Variants in GPR160 observed in about 807,000 individuals in gnomAD.
GPR160 encodes G protein-coupled receptor 160.
GPR160 carries 2 observed loss-of-function variants against 2.6 expected under a neutral mutation model. That is an observed-to-expected ratio of 0.77 (90% CI 0.32 to 2.44). The LOEUF (loss-of-function observed/expected upper bound fraction) is 2.44, where lower values mean the gene tolerates loss of function less well. GPR160 is among the 30% of genes most tolerant of loss of function. The pLI, the probability that GPR160 is intolerant of heterozygous loss-of-function variation, is 0.11. For missense variants in GPR160, 351 were observed against 383.6 expected (o/e 0.91, Z 0.71); for synonymous variants, 130 against 132.2 (o/e 0.98, Z 0.12).
chr3:170,078,169 A>G (rs956695702), intron 2 of GPR160, among the ~76,000 whole-genome samples: 2 of 152,232 alleles, frequency 1.3e-5, no homozygotes, highest in African/African-American at 4.8e-5. Flanking sequence ...CGTTAGACCT[A>G]GAGCTCTGGG....
intron 2 of GPR160, among the ~76,000 whole-genome samples, chr3:170,055,083 C>T (rs935566912): frequency 1.7e-4 from 26 of 152,186 alleles, no homozygotes. Flanking sequence ...CATAAGCCAC[C>T]GTGCCCGGCC....
At chr3:170,042,296 C>T (rs1185978217) in intron 2 of GPR160, among the ~76,000 whole-genome samples, 2 of 151,192 alleles carry the variant, frequency 1.3e-5, no homozygotes, top group East Asian at 3.9e-4. Context: ...TGGTGCACGC[C>T]TGTAGTCCCA....
chr3:170,063,552 CAAAAAAAAAA>C (rs528295183), intron 2 of GPR160, among the ~76,000 whole-genome samples: 1 of 78,926 alleles, frequency 1.3e-5, no homozygotes, highest in Non-Finnish European at 2.2e-5. Flanking sequence ...ACAAAAAAAG[CAAAAAAAAAA>C]AAAAAAAAAA....
At chr3:170,064,512 T>TTA in intron 2 of GPR160, among the ~76,000 whole-genome samples, 1 of 112,374 alleles carries the variant, frequency 8.9e-6, no homozygotes, top group Non-Finnish European at 1.9e-5. Context: ...TTCTTTTCTT[T>TTA]TCTTTTTTTT....
At chr3:170,051,546 G>A (rs546251674) in intron 2 of GPR160, among the ~76,000 whole-genome samples, 3 of 152,114 alleles carry the variant, frequency 2.0e-5, no homozygotes, top group South Asian at 4.2e-4. Context: ...CCAACATGGC[G>A]AAACCCCGCC....
At chr3:170,075,732 G>C (rs1187811024) in intron 2 of GPR160, among the ~76,000 whole-genome samples, 2 of 152,158 alleles carry the variant, frequency 1.3e-5, no homozygotes, top group Admixed American at 6.5e-5. Flanking sequence ...ATCCTCCATG[G>C]GCAGAAGCAG....
chr3:170,045,871 G>A (rs1010538802), intron 2 of GPR160, among the ~76,000 whole-genome samples: 1 of 152,184 alleles, frequency 6.6e-6, no homozygotes, highest in African/African-American at 2.4e-5. Context: ...CACCACCTGT[G>A]TGACCTTGAC....
In GPR160 at chr3:170,084,526, TGTC is replaced by T; in HGVS notation, c.555_557del (p.Ser186del). On this transcript the variant is annotated inframe_deletion, in exon 4 of 4. Coordinates refer to ENST00000355897, the MANE Select transcript of GPR160 (RefSeq NM_014373.3). ...TATGTCAGCATTCAGAGTTACTGGCTGTCATTTTTCATGGTGATGATTTTATTT... is the reference window on the plus strand; with the variant it reads ...TATGTCAGCATTCAGAGTTACTGGCTATTTTTCATGGTGATGATTTTATTT... The T allele has an allele frequency of 1.2e-6, 2 of 1,612,776 alleles. No individual in the cohort carries two copies. The highest frequency in any genetic ancestry group is 1.7e-6 in the Non-Finnish European group (2 of 1,178,804).
intron 2 of GPR160, among the ~76,000 whole-genome samples, chr3:170,074,763 A>AT (rs1712772296): frequency 6.6e-6 from 1 of 151,648 alleles, no homozygotes; most frequent in East Asian, 1.9e-4. Flanking sequence ...GATTACAGGC[A>AT]TGAGCCACCA....
chr3:170,067,410 A>G (rs914636476), intron 2 of GPR160, among the ~76,000 whole-genome samples: 11 of 152,078 alleles, frequency 7.2e-5, no homozygotes, highest in African/African-American at 2.4e-4. Flanking sequence ...TACTATTTCA[A>G]TATTGGGATT....
intron 2 of GPR160, among the ~76,000 whole-genome samples, chr3:170,074,325 T>C (rs568914527): frequency 6.6e-6 from 1 of 152,332 alleles, no homozygotes; most frequent in African/African-American, 2.4e-5. Flanking sequence ...TGTTTCTAGG[T>C]ACTCACTTTC....
intron 3 of GPR160, among the ~76,000 whole-genome samples, chr3:170,081,251 C>T (rs966543811): frequency 6.6e-6 from 1 of 151,152 alleles, no homozygotes; most frequent in Non-Finnish European, 1.5e-5. Flanking sequence ...CCAAGCAACA[C>T]CACTTGTAAG....
intron 2 of GPR160, among the ~76,000 whole-genome samples, chr3:170,069,427 C>A (rs1275841299): frequency 6.6e-6 from 1 of 152,164 alleles, no homozygotes; most frequent in Non-Finnish European, 1.5e-5. Flanking sequence ...ATTAAAACTG[C>A]AGATTGGTTT....
chr3:170,058,399 C>A (rs1331366257), intron 2 of GPR160, among the ~76,000 whole-genome samples: 5 of 152,096 alleles, frequency 3.3e-5, no homozygotes, highest in Non-Finnish European at 7.4e-5. Context: ...ACCGGCCATA[C>A]CTAACTTCTG....
At chr3:170,082,358 C>T (rs1713176526) in intron 3 of GPR160, among the ~76,000 whole-genome samples, 1 of 152,106 alleles carries the variant, frequency 6.6e-6, no homozygotes, top group Non-Finnish European at 1.5e-5. Context: ...AGTCTTCCTC[C>T]TATCCTGAGA....
intron 2 of GPR160, among the ~76,000 whole-genome samples, chr3:170,052,326 A>AC (rs1303389274): frequency 6.6e-6 from 1 of 152,202 alleles, no homozygotes; most frequent in Non-Finnish European, 1.5e-5. Flanking sequence ...AAGGGGATAC[A>AC]CCATTTTACA....
In GPR160 at chr3:170,084,355, CCAAGCTTT is replaced by C; in HGVS notation, c.386_393del (p.Lys129IlefsTer2). On this transcript the variant is annotated frameshift_variant, in exon 4 of 4. Coordinates refer to ENST00000355897, the MANE Select transcript of GPR160 (RefSeq NM_014373.3). LOFTEE classifies it low-confidence loss of function (END_TRUNC). ...TATTGCCTGAATTTCTCTAAAACAACCAAGCTTTCATTTAAGTGTCAAAAATTATTTTA... is the reference window on the plus strand; with the variant it reads ...TATTGCCTGAATTTCTCTAAAACAACCATTTAAGTGTCAAAAATTATTTTA... The C allele has an allele frequency of 6.2e-7, 1 of 1,609,214 alleles. No homozygotes were observed. The highest frequency in any genetic ancestry group is 8.5e-7 in the Non-Finnish European group (1 of 1,176,698).
Position 170,084,869 on chromosome 3 carries a change from T to TA in GPR160, c.899dup (p.Asn300LysfsTer26). The TA allele has an allele frequency of 6.2e-7, 1 of 1,609,244 alleles. No individual in the cohort carries two copies. The highest frequency in any genetic ancestry group is 8.5e-7 in the Non-Finnish European group (1 of 1,175,926). ...TGTATTGGTTTAATTGTCACAAGCT[T>TA]AATTTAAAAGACATTGGATTACCTT... is the stretch of plus-strand genomic sequence containing the variant. On this transcript the variant is annotated frameshift_variant, in exon 4 of 4. Coordinates refer to ENST00000355897, the MANE Select transcript of GPR160 (RefSeq NM_014373.3). LOFTEE classifies it high-confidence loss of function.
At chr3:170,063,195 TA>T (rs577732398) in intron 2 of GPR160, 1 of 152,570 alleles carries the variant, frequency 6.6e-6, no homozygotes, top group Non-Finnish European at 1.5e-5. Context: ...TTTTTTTTTT[TA>T]ATACAGGTTG....
Sources: gnomAD v4.1 joint callset for allele counts (sites outside exome capture counted in the v4.1 genomes callset) on GRCh38, gnomAD v4.1.1 for gene constraint, MANE v1.5 for transcripts, NCBI Gene and HGNC (gene_info 2026-07-23, HGNC 2026-07-21) for gene names.